ROBO2: variants seen among roughly 807,000 people sequenced by gnomAD.
ROBO2 encodes roundabout guidance receptor 2.
Under a neutral mutation model 160.8 loss-of-function variants are expected in ROBO2, and 53 were observed. That is an observed-to-expected ratio of 0.33 (90% CI 0.26 to 0.41). The LOEUF (loss-of-function observed/expected upper bound fraction) is 0.41. Ranked by LOEUF, ROBO2 falls within the 10% of genes least tolerant of loss-of-function variation. The pLI, the probability that ROBO2 is intolerant of heterozygous loss-of-function variation, is 1.00. For missense variants in ROBO2, 1,577 were observed against 1,722.4 expected, an observed-to-expected ratio of 0.92 and a Z score of 1.49; for synonymous variants, 664 against 611.7, an observed-to-expected ratio of 1.09 and a Z score of -1.26.
intron 2 of ROBO2, among the ~76,000 whole-genome samples, chr3:76,421,236 A>T (rs1317891526): frequency 1.3e-5 from 2 of 152,204 alleles, no homozygotes; most frequent in African/African-American, 2.4e-5. Flanking sequence ...CCTACCATGG[A>T]TTCAACAACC....
At chr3:76,378,959 T>A (rs2076487409) in intron 2 of ROBO2, among the ~76,000 whole-genome samples, 1 of 152,206 alleles carries the variant, frequency 6.6e-6, no homozygotes, top group East Asian at 1.9e-4. Context: ...GAAAGATTTC[T>A]CACTATATTA....
intron 2 of ROBO2, among the ~76,000 whole-genome samples, chr3:76,369,462 C>G (rs1332675369): frequency 1.3e-5 from 2 of 151,906 alleles, no homozygotes; most frequent in East Asian, 1.9e-4. Flanking sequence ...ATAAATAACC[C>G]CTTTATGCTG....
chr3:76,292,831 TA>T (rs1215732672), intron 2 of ROBO2, among the ~76,000 whole-genome samples: 24 of 152,332 alleles, frequency 1.6e-4, no homozygotes, highest in Non-Finnish European at 1.3e-4. Flanking sequence ...TCATTGTAGT[TA>T]TCTGAGTGCA....
chr3:76,372,771 C>G (rs1295438030), intron 2 of ROBO2, among the ~76,000 whole-genome samples: 2 of 151,844 alleles, frequency 1.3e-5, no homozygotes, highest in Non-Finnish European at 1.5e-5. Flanking sequence ...ACAAGGAAGC[C>G]TTTGCTTCTC....
At chr3:76,503,727 C>G (rs140062032) in intron 2 of ROBO2, among the ~76,000 whole-genome samples, 2 of 152,238 alleles carry the variant, frequency 1.3e-5, no homozygotes, top group East Asian at 3.9e-4. Context: ...ATCTCACTTA[C>G]ATGTAGAATA....
intron 2 of ROBO2, among the ~76,000 whole-genome samples, chr3:76,436,159 A>AAAACACACACACACACACAC (rs1553752319): frequency 1.4e-5 from 2 of 140,522 alleles, no homozygotes; most frequent in Non-Finnish European, 3.0e-5. Context: ...TTAAAAGGAA[A>AAAACACACACACACACACAC]ACACACACAC....
Position 76,358,665 on chromosome 3 carries a change from T to C in ROBO2, c.109+421063T>C, listed in dbSNP as rs986103108. Among the ~76,000 whole-genome samples, 27 of 152,064 alleles carry C rather than the reference T, an allele frequency of 1.8e-4. 1 individual carries two copies. The highest frequency in any genetic ancestry group is 6.6e-4 in the Admixed American group (10 of 15,234). On this transcript the variant is annotated intron_variant, in intron 2 of 26. Transcript: ENST00000487694. ...GGAATTGACAACGAGTAATTACATG[T>C]ACATTTGCTCAATATATATGTTTCT...
intron 2 of ROBO2, among the ~76,000 whole-genome samples, chr3:76,412,935 T>C: frequency 6.6e-6 from 1 of 152,326 alleles, no homozygotes; most frequent in East Asian, 1.9e-4. Flanking sequence ...CGCACTGCCC[T>C]AGCAGAGGTT....
chr3:76,891,746 C>T (rs574440359), intron 2 of ROBO2, among the ~76,000 whole-genome samples: 3 of 152,294 alleles, frequency 2.0e-5, no homozygotes, highest in African/African-American at 7.2e-5. Flanking sequence ...ACCTATAAAT[C>T]ACCTTGAGCT....
chr3:76,831,496 C>T (rs1255074157), intron 2 of ROBO2, among the ~76,000 whole-genome samples: 1 of 152,064 alleles, frequency 6.6e-6, no homozygotes, highest in Non-Finnish European at 1.5e-5. Flanking sequence ...TAAAGTGTGT[C>T]TTCTAAAGAG....
intron 2 of ROBO2, among the ~76,000 whole-genome samples, chr3:76,125,437 G>A (rs905811425): frequency 2.6e-5 from 4 of 152,108 alleles, no homozygotes; most frequent in Non-Finnish European, 4.4e-5. Flanking sequence ...TTTCCACAGC[G>A]ATTGGACCAA....
At chr3:77,331,894 C>T (rs892451524) in intron 2 of ROBO2, among the ~76,000 whole-genome samples, 7 of 151,898 alleles carry the variant, frequency 4.6e-5, no homozygotes, top group African/African-American at 7.3e-5. Flanking sequence ...TTAGTAGAGA[C>T]GGGGTTTCAC....
At chr3:77,014,558 G>A (rs568200742) in intron 2 of ROBO2, among the ~76,000 whole-genome samples, 6 of 152,234 alleles carry the variant, frequency 3.9e-5, no homozygotes, top group South Asian at 2.1e-4. Context: ...AAGTGTCATC[G>A]GGTTGGAAGT....
rs76015084 is a variant in ROBO2 at position 76,700,570 on chromosome 3, A to G, written c.110-397444A>G. Among the ~76,000 whole-genome samples the G allele has an allele frequency of 7.9e-4, 120 of 152,246 alleles. 2 individuals carry two copies. The highest frequency in any genetic ancestry group is 2.8e-3 in the African/African-American group (116 of 41,542). On this transcript the variant is annotated intron_variant, in intron 2 of 26. Transcript: ENST00000487694. ...CGACAGTCTTGATGAGCTCATTTTGAAAATATGACTATATACAGGGTGTCA... is the reference window on the plus strand; with the variant it reads ...CGACAGTCTTGATGAGCTCATTTTGGAAATATGACTATATACAGGGTGTCA...
rs571255148 is a variant in ROBO2 at position 77,018,237 on chromosome 3, G to A, written c.110-79777G>A. 3.9e-5 allele frequency among the ~76,000 whole-genome samples: 6 copies of A among 152,140 alleles called. No homozygotes were observed. The South Asian group carries it at 1.2e-3, about 32-fold the overall frequency. On this transcript the variant is annotated intron_variant, in intron 2 of 26. Coordinates refer to the ROBO2 transcript ENST00000487694. ...CCTGCCTCAGCCTCCCAAGTAGCTG[G>A]GATTACAGGCACACTTTTGTATTTT... is the stretch of plus-strand genomic sequence containing the variant.
In ROBO2 at chr3:77,002,663, C is replaced by A. The variant is rs1229444639; in HGVS notation, c.110-95351C>A. On this transcript the variant is annotated intron_variant, in intron 2 of 26. Transcript: ENST00000487694. ...ATTTTTAATCTTGTCTAAACACTGG[C>A]AAATAATTTCAATTTGGATTTTAGT... Among the ~76,000 whole-genome samples, 4 of 151,992 alleles carry A rather than the reference C, an allele frequency of 2.6e-5. No homozygotes were observed. The East Asian group carries it at 7.7e-4, about 29-fold the overall frequency.
intron 5 of ROBO2, among the ~76,000 whole-genome samples, chr3:77,519,211 A>G (rs758796595): frequency 4.0e-5 from 6 of 151,468 alleles, no homozygotes; most frequent in Non-Finnish European, 5.9e-5. Context: ...ATTAAAAAAC[A>G]AACAAACAAA....
At chr3:76,562,069 T>A (rs1350366599) in intron 2 of ROBO2, among the ~76,000 whole-genome samples, 1 of 152,008 alleles carries the variant, frequency 6.6e-6, no homozygotes, top group African/African-American at 2.4e-5. Context: ...GCCTAGCATC[T>A]GACTATCTGG....
chr3:77,216,465 G>A (rs2084963957), intron 2 of ROBO2, among the ~76,000 whole-genome samples: 1 of 152,192 alleles, frequency 6.6e-6, no homozygotes, highest in African/African-American at 2.4e-5. Flanking sequence ...TTTTCCAGGT[G>A]CCATCTGTCA....
Sources: gnomAD v4.1 joint callset for allele counts (sites outside exome capture counted in the v4.1 genomes callset) on GRCh38, gnomAD v4.1.1 for gene constraint, MANE v1.5 for transcripts, NCBI Gene and HGNC (gene_info 2026-07-23, HGNC 2026-07-21) for gene names.